Variants in CLASP1 observed in about 807,000 individuals in gnomAD.
The protein encoded by CLASP1 is CLIP-associating protein 1.
In CLASP1, 38 loss-of-function variants were observed where a neutral mutation model predicts 192.3. The ratio of observed to expected loss-of-function variants is 0.20; its 90% confidence interval spans 0.15 to 0.26. The LOEUF (loss-of-function observed/expected upper bound fraction) is 0.26. CLASP1 is among the 10% of genes least tolerant of loss of function. CLASP1 has a pLI of 1.00. For missense variants in CLASP1, 1,433 were observed against 1,932.5 expected, an observed-to-expected ratio of 0.74 and a Z score of 4.85; for synonymous variants, 691 against 712.8, an observed-to-expected ratio of 0.97 and a Z score of 0.49.
At chr2:121,590,867 ATT>A (rs10712368) in intron 2 of CLASP1, among the ~76,000 whole-genome samples, 5,616 of 135,580 alleles carry the variant, frequency 0.041, 124 homozygotes, top group East Asian at 0.14. Flanking sequence ...AAATTATTTG[ATT>A]TTTTTTTTTT....
At chr2:121,484,585 T>C (rs2092839829) in intron 8 of CLASP1, among the ~76,000 whole-genome samples, 1 of 152,086 alleles carries the variant, frequency 6.6e-6, no homozygotes, top group Non-Finnish European at 1.5e-5. Context: ...CTCACAAATA[T>C]GGAGGCCAGG....
At chr2:121,531,025 TAG>T (rs1479869375) in intron 2 of CLASP1, 20 of 700,062 alleles carry the variant, frequency 2.9e-5, no homozygotes, top group African/African-American at 2.6e-4. Context: ...CCTGTTTTCA[TAG>T]ACTTATCAGT....
chr2:121,544,776 A>G (rs2095298075), intron 2 of CLASP1, among the ~76,000 whole-genome samples: 1 of 152,204 alleles, frequency 6.6e-6, no homozygotes, highest in Non-Finnish European at 1.5e-5. Context: ...AGTGAAAAAC[A>G]TGGGATCCTA....
At chr2:121,406,983 A>C (rs776186283) in intron 25 of CLASP1, among the ~76,000 whole-genome samples, 1 of 152,182 alleles carries the variant, frequency 6.6e-6, no homozygotes, top group Non-Finnish European at 1.5e-5. Context: ...TTTGGGGGGC[A>C]AAGGCAGCCA....
intron 29 of CLASP1, among the ~76,000 whole-genome samples, chr2:121,397,884 T>C (rs1056401016): frequency 1.3e-5 from 2 of 152,238 alleles, no homozygotes; most frequent in African/African-American, 4.8e-5. Context: ...ACAGGTATGA[T>C]TTTCCACAAC....
intron 30 of CLASP1, among the ~76,000 whole-genome samples, chr2:121,396,288 C>G (rs890275259): frequency 6.6e-6 from 1 of 152,102 alleles, no homozygotes; most frequent in Non-Finnish European, 1.5e-5. Flanking sequence ...AAGTAGCACG[C>G]CAGTGGAGAT....
chr2:121,386,712 T>A (rs2073270352), intron 32 of CLASP1, among the ~76,000 whole-genome samples: 1 of 152,248 alleles, frequency 6.6e-6, no homozygotes, highest in African/African-American at 2.4e-5. Context: ...ATTACTTGGT[T>A]GAAAAACTAC....
intron 2 of CLASP1, among the ~76,000 whole-genome samples, chr2:121,591,274 A>C (rs1288205858): frequency 6.6e-6 from 1 of 152,228 alleles, no homozygotes; most frequent in Non-Finnish European, 1.5e-5. Flanking sequence ...CATAGCCAAT[A>C]AATTGTATCA....
intron 1 of CLASP1, among the ~76,000 whole-genome samples, chr2:121,609,674 G>A (rs1176701341): frequency 6.6e-6 from 1 of 152,200 alleles, no homozygotes; most frequent in Non-Finnish European, 1.5e-5. Context: ...CGGGCGCAGT[G>A]GCTCAAGCCT....
At chr2:121,603,933 G>A (rs893809637) in intron 2 of CLASP1, among the ~76,000 whole-genome samples, 30 of 152,246 alleles carry the variant, frequency 2.0e-4, no homozygotes, top group African/African-American at 6.7e-4. Flanking sequence ...AGGAAGAGAG[G>A]TATAGGAAGA....
intron 1 of CLASP1, among the ~76,000 whole-genome samples, chr2:121,644,399 CAGCACTTTGGG>C (rs2072738985): frequency 6.6e-6 from 1 of 151,692 alleles, no homozygotes; most frequent in Non-Finnish European, 1.5e-5. Context: ...CCTGCAATCC[CAGCACTTTGGG>C]AGGCAGAGGC....
chr2:121,417,906 C>T (rs189585917), intron 23 of CLASP1, among the ~76,000 whole-genome samples: 7 of 152,304 alleles, frequency 4.6e-5, no homozygotes, highest in Non-Finnish European at 8.8e-5. Flanking sequence ...CACAGATCCA[C>T]ATAATTTCAG....
intron 11 of CLASP1, 24 bp downstream of exon 11, chr2:121,461,076 TA>T: frequency 7.3e-7 from 1 of 1,363,042 alleles, no homozygotes; most frequent in South Asian, 1.3e-5. Flanking sequence ...TATGAAAATG[TA>T]ATCACATGAA....
intron 2 of CLASP1, among the ~76,000 whole-genome samples, chr2:121,594,163 G>A (rs1257362069): frequency 1.3e-5 from 2 of 150,102 alleles, no homozygotes; most frequent in Non-Finnish European, 3.0e-5. Flanking sequence ...AGCCGGGCGT[G>A]GTGGCGGGCG....
chr2:121,531,100 A>G (rs749601352), intron 2 of CLASP1: 5 of 650,012 alleles, frequency 7.7e-6, no homozygotes, highest in Non-Finnish European at 1.1e-5. Flanking sequence ...AGGGTGCACA[A>G]GACGCGTGGT....
At chr2:121,373,100 GGT>G (rs1424714049) in intron 34 of CLASP1, among the ~76,000 whole-genome samples, 7 of 152,154 alleles carry the variant, frequency 4.6e-5, no homozygotes, top group African/African-American at 1.4e-4. Flanking sequence ...TCCAATGTTC[GGT>G]GAGGAACCTG....
intron 20 of CLASP1, 68 bp from the exon 21 acceptor site, chr2:121,427,498 G>A (rs758010782): frequency 2.0e-6 from 3 of 1,526,522 alleles, no homozygotes; most frequent in Non-Finnish European, 1.8e-6. Context: ...CAATACAGAA[G>A]GTCAGCATGC....
intron 30 of CLASP1, among the ~76,000 whole-genome samples, chr2:121,390,945 A>G (rs941236088): frequency 1.3e-5 from 2 of 152,086 alleles, no homozygotes; most frequent in African/African-American, 4.8e-5. Context: ...CAGCCTCCCA[A>G]GTAGCTGGGA....
chr2:121,417,310 AAC>A (rs2078764600), intron 23 of CLASP1, among the ~76,000 whole-genome samples: 1 of 152,222 alleles, frequency 6.6e-6, no homozygotes, highest in African/African-American at 2.4e-5. Flanking sequence ...TTGAAAGGAA[AAC>A]ACTGAATTGC....
Sources: gnomAD v4.1 joint callset for allele counts (sites outside exome capture counted in the v4.1 genomes callset) on GRCh38, gnomAD v4.1.1 for gene constraint, MANE v1.5 for transcripts, NCBI Gene and HGNC (gene_info 2026-07-23, HGNC 2026-07-21) for gene names.